AKAP19: variants seen among roughly 807,000 people sequenced by gnomAD.
AKAP19 encodes the protein small A-kinase anchoring protein.
At chr2:189,997,161 CCTT>C in the AKAP19 span, among the ~76,000 whole-genome samples, 1 of 152,322 alleles carries the variant, frequency 6.6e-6, no homozygotes, top group Non-Finnish European at 1.5e-5. Flanking sequence ...GTTGGTTTCT[CCTT>C]CTTTGGAGCA....
At chr2:189,923,146 A>G in the AKAP19 span, among the ~76,000 whole-genome samples, 1 of 152,256 alleles carries the variant, frequency 6.6e-6, no homozygotes, top group Admixed American at 6.5e-5. Context: ...GTGAGACTCC[A>G]TCTCTAAAAA....
the AKAP19 span, among the ~76,000 whole-genome samples, chr2:189,887,791 C>A: frequency 2.0e-5 from 3 of 151,868 alleles, no homozygotes; most frequent in Non-Finnish European, 4.4e-5. Flanking sequence ...TGTTCATATC[C>A]TTCACCCACT....
the AKAP19 span, among the ~76,000 whole-genome samples, chr2:190,171,244 AC>A: frequency 1.3e-5 from 2 of 150,200 alleles, no homozygotes; most frequent in African/African-American, 2.5e-5. Flanking sequence ...AAAAAAAAAA[AC>A]AAACAGTGCA....
At chr2:190,188,579 G>A in the AKAP19 span, among the ~76,000 whole-genome samples, 1 of 152,142 alleles carries the variant, frequency 6.6e-6, no homozygotes, top group Non-Finnish European at 1.5e-5. Context: ...GGCTAACATT[G>A]TTGAAACTTT....
chr2:189,923,245 G>T, the AKAP19 span: 10 of 1,328,164 alleles, frequency 7.5e-6, no homozygotes, highest in South Asian at 1.1e-4. Flanking sequence ...GCTTCTCTAC[G>T]CAGAACCCGG....
At chr2:189,996,418 G>C in the AKAP19 span, among the ~76,000 whole-genome samples, 3 of 152,032 alleles carry the variant, frequency 2.0e-5, no homozygotes, top group Non-Finnish European at 4.4e-5. Flanking sequence ...GTATTTCTCT[G>C]TGTCTTTCAT....
the AKAP19 span, among the ~76,000 whole-genome samples, chr2:190,197,805 G>C: frequency 6.6e-6 from 1 of 152,210 alleles, no homozygotes; most frequent in Non-Finnish European, 1.5e-5. The surrounding 1 kb of genome is among the most constrained non-coding windows in gnomAD (Gnocchi z 4.0). Context: ...GTTAGGGTAA[G>C]AAAAAGCTGC....
At chr2:189,961,176 TATAGA>T in the AKAP19 span, among the ~76,000 whole-genome samples, 2 of 152,118 alleles carry the variant, frequency 1.3e-5, no homozygotes, top group African/African-American at 4.8e-5. Flanking sequence ...GTTCCAGCCT[TATAGA>T]AGAGAAGGGA....
the AKAP19 span, among the ~76,000 whole-genome samples, chr2:190,118,020 A>G: frequency 6.6e-6 from 1 of 152,230 alleles, no homozygotes; most frequent in Non-Finnish European, 1.5e-5. Context: ...TGCAATAAAA[A>G]ATGATAAAGG....
At chr2:190,105,171 C>CAT in the AKAP19 span, among the ~76,000 whole-genome samples, 14 of 152,240 alleles carry the variant, frequency 9.2e-5, no homozygotes, top group African/African-American at 2.6e-4. Context: ...CAAAAAGACA[C>CAT]ATATACTCAT....
the AKAP19 span, chr2:190,060,446 A>G: frequency 6.2e-7 from 1 of 1,602,096 alleles, no homozygotes. Context: ...CTATAAATGA[A>G]TAAGAAAAGA....
At chr2:190,108,301 AT>A in the AKAP19 span, among the ~76,000 whole-genome samples, 1 of 152,106 alleles carries the variant, frequency 6.6e-6, no homozygotes, top group Non-Finnish European at 1.5e-5. Context: ...GATTACAAGC[AT>A]GCACCAACAC....
chr2:190,009,058 C>G, the AKAP19 span, among the ~76,000 whole-genome samples: 3 of 151,874 alleles, frequency 2.0e-5, no homozygotes, highest in African/African-American at 7.3e-5. Flanking sequence ...GAGAGAAGAG[C>G]AGTAAAAGGA....
the AKAP19 span, among the ~76,000 whole-genome samples, chr2:189,983,981 G>A: frequency 3.9e-5 from 6 of 152,136 alleles, no homozygotes; most frequent in Non-Finnish European, 7.3e-5. Flanking sequence ...GGGAGGGAGT[G>A]TGTGAATAGG....
At chr2:190,148,430 G>A in the AKAP19 span, among the ~76,000 whole-genome samples, 21 of 152,218 alleles carry the variant, frequency 1.4e-4, no homozygotes, top group African/African-American at 4.6e-4. Flanking sequence ...AAGGATTTTA[G>A]CATCAATGTT....
the AKAP19 span, chr2:190,200,033 T>C: frequency 3.7e-6 from 6 of 1,614,092 alleles, no homozygotes; most frequent in African/African-American, 6.7e-5. Flanking sequence ...AATACTGTGA[T>C]CTTGGAATAT....
At chr2:190,201,522 C>T in the AKAP19 span, 1 of 166,976 alleles carries the variant, frequency 6.0e-6, no homozygotes, top group Admixed American at 6.6e-5. Context: ...AGGCTTATGA[C>T]CTCTTTAATG....
At chr2:189,931,062 A>G in the AKAP19 span, 10 of 462,434 alleles carry the variant, frequency 2.2e-5, no homozygotes, top group Non-Finnish European at 3.9e-5. Flanking sequence ...AGTCTTCTCT[A>G]TTTTCTACCT....
At chr2:190,065,111 C>A in the AKAP19 span, among the ~76,000 whole-genome samples, 1 of 152,158 alleles carries the variant, frequency 6.6e-6, no homozygotes, top group South Asian at 2.1e-4. Flanking sequence ...CCCTTTTTCC[C>A]GTCTATTTAG....
Sources: allele counts gnomAD v4.1 joint callset (sites outside exome capture counted in the v4.1 genomes callset), GRCh38; gene constraint gnomAD v4.1.1; non-coding constraint Gnocchi (gnomAD v3.1); transcripts MANE v1.5; gene names NCBI Gene and HGNC (gene_info 2026-07-23, HGNC 2026-07-21).